PCDHA4: variants seen among roughly 807,000 people sequenced by gnomAD.
PCDHA4 encodes protocadherin alpha 4, also known as protocadherin alpha-4.
Under a neutral mutation model 61.4 loss-of-function variants are expected in PCDHA4, and 49 were observed. The observed-to-expected ratio is 0.80, with a 90% CI of 0.63 to 1.01. The LOEUF (loss-of-function observed/expected upper bound fraction) is 1.01, where lower values mean the gene tolerates loss of function less well. PCDHA4 is among the 50% of genes least tolerant of loss of function. The probability of loss-of-function intolerance (pLI) is 0.00; values close to 1 mark genes in which losing one functional copy is unlikely to be tolerated. For missense variants in PCDHA4, 1,254 were observed against 1,235.8 expected (o/e 1.01, Z -0.22); for synonymous variants, 590 against 550.3 (o/e 1.07, Z -1.01).
intron 1 of PCDHA4, chr5:140,968,079 C>T (rs782150880): frequency 5.0e-6 from 8 of 1,614,142 alleles, no homozygotes; most frequent in Admixed American, 3.3e-5. Flanking sequence ...TACAACATCA[C>T]GGTGACAGCC....
chr5:140,877,637 G>A (rs1554169943), intron 1 of PCDHA4: 1 of 1,613,520 alleles, frequency 6.2e-7, no homozygotes, highest in Non-Finnish European at 8.5e-7. Context: ...ACTGCGCTGC[G>A]TTGCTCAGCG....
intron 1 of PCDHA4, chr5:140,849,798 C>G (rs1356253349): frequency 1.3e-6 from 2 of 1,598,416 alleles, no homozygotes; most frequent in African/African-American, 1.3e-5. Context: ...CTCGCCTTCA[C>G]TGTGGGCCAC....
Position 141,009,940 on chromosome 5 carries a change from T to G in PCDHA4, c.*3T>G, listed in dbSNP as rs782531781. ...CGACTGACAACAGTGACCAGTGAGG[T>G]CCTCAAATGGAAACAAGCCACTTAG... On this transcript the variant is annotated 3_prime_UTR_variant, in exon 4 of 4. Transcript: ENST00000530339. 7 of 1,598,042 alleles carry G rather than the reference T, an allele frequency of 4.4e-6. No homozygotes were observed. The highest frequency in any genetic ancestry group is 4.3e-6 in the Non-Finnish European group (5 of 1,174,556).
chr5:140,846,891 T>A (rs1554141528), intron 1 of PCDHA4, among the ~76,000 whole-genome samples: 1 of 149,346 alleles, frequency 6.7e-6, no homozygotes, highest in Non-Finnish European at 1.5e-5. Flanking sequence ...CAGAATGACG[T>A]TGAAGTTGAA....
chr5:140,907,997 T>G (rs1352895327), intron 1 of PCDHA4, among the ~76,000 whole-genome samples: 1 of 152,186 alleles, frequency 6.6e-6, no homozygotes, highest in East Asian at 1.9e-4. Flanking sequence ...TCCTTAACCA[T>G]CCAGCCAAAC....
chr5:140,906,593 T>C (rs2072768257), intron 1 of PCDHA4, among the ~76,000 whole-genome samples: 1 of 152,242 alleles, frequency 6.6e-6, no homozygotes, highest in Admixed American at 6.5e-5. Flanking sequence ...TACCTTCCTC[T>C]ACTACTCATT....
intron 1 of PCDHA4, among the ~76,000 whole-genome samples, chr5:140,956,861 A>T (rs2095316106): frequency 6.6e-6 from 1 of 152,194 alleles, no homozygotes; most frequent in Non-Finnish European, 1.5e-5. Flanking sequence ...TGGTTGAATG[A>T]ATGTGTGAAA....
Position 140,808,376 on chromosome 5 carries a change from C to T in PCDHA4, c.1189C>T (p.Leu397=). Residue 397 remains leucine, a synonymous_variant, in exon 1 of 4, where the codon CTG becomes TTG. Transcript: ENST00000530339. ...CSLTSHVPFK[L]VSTFKNYYSL... The stretch of plus-strand genomic sequence containing the variant: ...CTTGACGTCCCACGTCCCCTTCAAG[C>T]TGGTGTCCACCTTCAAGAATTACTA... The T allele has an allele frequency of 6.2e-7, 1 of 1,614,202 alleles. No homozygotes were observed. The highest frequency in any genetic ancestry group is 8.5e-7 in the Non-Finnish European group (1 of 1,180,056).
chr5:140,879,836 G>A, intron 1 of PCDHA4, among the ~76,000 whole-genome samples: 1 of 152,186 alleles, frequency 6.6e-6, no homozygotes, highest in Non-Finnish European at 1.5e-5. Flanking sequence ...GCTTGTGGCT[G>A]TACCACTCCC....
chr5:141,005,034 T>C (rs1435712039), intron 3 of PCDHA4, among the ~76,000 whole-genome samples: 1 of 152,222 alleles, frequency 6.6e-6, no homozygotes, highest in Non-Finnish European at 1.5e-5. Flanking sequence ...ATTGCCCATA[T>C]GTGATACCAT....
intron 3 of PCDHA4, among the ~76,000 whole-genome samples, chr5:140,984,769 C>T (rs145432187): frequency 1.3e-5 from 2 of 152,194 alleles, no homozygotes; most frequent in African/African-American, 2.4e-5. Context: ...TAATCCCAAG[C>T]TTACTTGCTG....
chr5:140,856,373 G>A (rs781914523), intron 1 of PCDHA4: 1 of 1,598,562 alleles, frequency 6.3e-7, no homozygotes, highest in Non-Finnish European at 8.6e-7. Context: ...GGAGGTGATC[G>A]TGGACAGGCC....
intron 1 of PCDHA4, chr5:140,884,792 G>T: frequency 7.6e-7 from 1 of 1,312,776 alleles, no homozygotes; most frequent in Non-Finnish European, 1.0e-6. Context: ...AGTTGTTATC[G>T]AATTTAACAA....
At chr5:140,919,945 A>G (rs1456572905) in intron 1 of PCDHA4, among the ~76,000 whole-genome samples, 1 of 151,572 alleles carries the variant, frequency 6.6e-6, no homozygotes, top group Non-Finnish European at 1.5e-5. Flanking sequence ...ATTCCAGTGA[A>G]AAGTTTGTTT....
At chr5:140,968,813 A>G (rs1554231120) in intron 1 of PCDHA4, 1 of 1,614,194 alleles carries the variant, frequency 6.2e-7, no homozygotes, top group South Asian at 1.1e-5. Context: ...TGTGGTGGAT[A>G]GGGTTTCCAA....
intron 1 of PCDHA4, among the ~76,000 whole-genome samples, chr5:140,924,394 T>A (rs973977224): frequency 2.0e-5 from 3 of 152,176 alleles, no homozygotes; most frequent in Admixed American, 2.0e-4. Context: ...CTACTTATAT[T>A]GCCTTATATC....
chr5:140,877,331 T>A (rs2057038565), intron 1 of PCDHA4: 15 of 1,613,962 alleles, frequency 9.3e-6, no homozygotes, highest in Non-Finnish European at 1.3e-5. Context: ...GGCGCGCACA[T>A]CCCGTTCCAC....
At chr5:140,857,216 C>T in intron 1 of PCDHA4, 1 of 1,598,490 alleles carries the variant, frequency 6.3e-7, no homozygotes, top group Non-Finnish European at 8.6e-7. Flanking sequence ...CTCTCTGACG[C>T]CTCACGTTCC....
At chr5:140,871,412 C>T (rs891491030) in intron 1 of PCDHA4, 2 of 1,613,976 alleles carry the variant, frequency 1.2e-6, no homozygotes, top group Non-Finnish European at 1.7e-6. Flanking sequence ...GACCTCATGG[C>T]CTTCAGCCCC....
Sources: gnomAD v4.1 joint callset for allele counts (sites outside exome capture counted in the v4.1 genomes callset) on GRCh38, gnomAD v4.1.1 for gene constraint, MANE v1.5 for transcripts, NCBI Gene and HGNC (gene_info 2026-07-23, HGNC 2026-07-21) for gene names.